Variants in GPR39 observed in about 807,000 individuals in gnomAD.
GPR39 encodes the protein zinc sensing receptor.
GPR39 carries 23 observed loss-of-function variants against 18.4 expected under a neutral mutation model. The observed-to-expected ratio is 1.25, with a 90% CI of 0.90 to 1.77. GPR39 has a LOEUF of 1.77. Among genes scored for constraint, GPR39 ranks in the 40% most tolerant of loss-of-function variants. GPR39 has a pLI of 0.00. For synonymous variants in GPR39, 280 were observed against 257.9 expected (o/e 1.09, Z -0.82); for missense variants, 647 against 602.4 (o/e 1.07, Z -0.78).
intron 1 of GPR39, among the ~76,000 whole-genome samples, chr2:132,494,740 G>C (rs1681605871): frequency 6.6e-6 from 1 of 151,624 alleles, no homozygotes; most frequent in African/African-American, 2.4e-5. Context: ...CTAACTTTGA[G>C]CTTTTTTTAT....
At chr2:132,549,946 G>T (rs774357282) in intron 1 of GPR39, among the ~76,000 whole-genome samples, 2 of 152,114 alleles carry the variant, frequency 1.3e-5, no homozygotes, top group Non-Finnish European at 2.9e-5. Flanking sequence ...TAAATAATCC[G>T]TTTTCCATTT....
chr2:132,449,500 G>T (rs1053434756), intron 1 of GPR39, among the ~76,000 whole-genome samples: 1 of 152,166 alleles, frequency 6.6e-6, no homozygotes, highest in Admixed American at 6.6e-5. Context: ...GCCTGCCTCA[G>T]CCTCCCAAAG....
intron 1 of GPR39, among the ~76,000 whole-genome samples, chr2:132,627,384 G>A (rs1305215106): frequency 2.0e-5 from 3 of 152,124 alleles, no homozygotes; most frequent in East Asian, 1.9e-4. Context: ...AGAAAACCAC[G>A]GAAACTCAGG....
At chr2:132,470,696 T>TG in intron 1 of GPR39, among the ~76,000 whole-genome samples, 1 of 103,446 alleles carries the variant, frequency 9.7e-6, no homozygotes, top group Non-Finnish European at 1.9e-5. Context: ...AAGCATTTGT[T>TG]GGGGGGCAGG....
At chr2:132,448,873 T>C (rs1414092172) in intron 1 of GPR39, among the ~76,000 whole-genome samples, 1 of 152,180 alleles carries the variant, frequency 6.6e-6, no homozygotes, top group Non-Finnish European at 1.5e-5. Context: ...TCCCCTTCTG[T>C]CCAGACACTG....
At chr2:132,636,030 A>G (rs1013347513) in intron 1 of GPR39, among the ~76,000 whole-genome samples, 14 of 152,172 alleles carry the variant, frequency 9.2e-5, no homozygotes, top group Middle Eastern at 6.3e-3. Context: ...TATGCCATTC[A>G]GTCTGTGGTA....
At chr2:132,631,496 T>G (rs1338187294) in intron 1 of GPR39, among the ~76,000 whole-genome samples, 1 of 152,158 alleles carries the variant, frequency 6.6e-6, no homozygotes, top group Non-Finnish European at 1.5e-5. Context: ...ATCTCAACCT[T>G]CCTGAGAGCT....
At chr2:132,590,980 G>A (rs563408024) in intron 1 of GPR39, among the ~76,000 whole-genome samples, 6 of 151,990 alleles carry the variant, frequency 3.9e-5, no homozygotes, top group South Asian at 2.1e-4. Context: ...GGCCGGGCGC[G>A]GTGGCTCACG....
intron 1 of GPR39, among the ~76,000 whole-genome samples, chr2:132,617,134 G>A (rs1428632319): frequency 1.3e-5 from 2 of 151,938 alleles, no homozygotes; most frequent in Non-Finnish European, 2.9e-5. Flanking sequence ...ATGTGTAGAT[G>A]TACTATAAGT....
chr2:132,588,138 T>A (rs1680764289), intron 1 of GPR39, among the ~76,000 whole-genome samples: 1 of 152,064 alleles, frequency 6.6e-6, no homozygotes, highest in Admixed American at 6.5e-5. Context: ...TGTTTGCGAT[T>A]GTGATGGAGA....
chr2:132,473,402 A>G (rs554295491), intron 1 of GPR39, among the ~76,000 whole-genome samples: 4 of 152,272 alleles, frequency 2.6e-5, no homozygotes, highest in East Asian at 3.9e-4. Context: ...TAATGGACCC[A>G]TGTGATGTTC....
At chr2:132,508,881 C>A (rs569518241) in intron 1 of GPR39, among the ~76,000 whole-genome samples, 1 of 152,248 alleles carries the variant, frequency 6.6e-6, no homozygotes, top group Admixed American at 6.5e-5. Flanking sequence ...CAGTCCATAC[C>A]TGTTGGACTA....
chr2:132,438,520 G>A (rs980061306), intron 1 of GPR39, among the ~76,000 whole-genome samples: 68 of 146,516 alleles, frequency 4.6e-4, no homozygotes, highest in African/African-American at 1.7e-3. Flanking sequence ...AGCAAATTAC[G>A]TATGGGCAAT....
chr2:132,443,519 C>T (rs552190854), intron 1 of GPR39, among the ~76,000 whole-genome samples: 6 of 152,256 alleles, frequency 3.9e-5, no homozygotes, highest in African/African-American at 9.6e-5. Flanking sequence ...TTTGCCCAAC[C>T]GTAGGCTAAT....
intron 1 of GPR39, among the ~76,000 whole-genome samples, chr2:132,458,890 G>A (rs1409042926): frequency 8.9e-6 from 1 of 112,190 alleles, no homozygotes; most frequent in African/African-American, 2.7e-5. Context: ...AACTCATGTG[G>A]GAAGACTTTT....
chr2:132,635,643 G>A (rs796530994), intron 1 of GPR39, among the ~76,000 whole-genome samples: 14 of 152,120 alleles, frequency 9.2e-5, no homozygotes, highest in African/African-American at 3.4e-4. Context: ...GATGGGGGAG[G>A]GGGCCTAGCA....
intron 1 of GPR39, among the ~76,000 whole-genome samples, chr2:132,535,293 A>G (rs1023990321): frequency 6.6e-6 from 1 of 152,186 alleles, no homozygotes; most frequent in Non-Finnish European, 1.5e-5. Flanking sequence ...GAGTTTTATC[A>G]AAGTCCTTTT....
At position 132,646,315 on chromosome 2, in the gene GPR39, G is replaced by C; in HGVS notation, c.*709G>C. 7.3e-7 allele frequency: 1 copy of C among 1,370,576 alleles called. No homozygotes were observed. Among genetic ancestry groups the C allele is most frequent in the Non-Finnish European group, 9.6e-7 (1 of 1,039,672 alleles). 84.9% of individuals were successfully genotyped at this position (1,370,576 alleles called of 1,614,324 possible). A position where few individuals can be genotyped will look rare whatever the true frequency, so the allele number is the denominator to read the frequency against. On this transcript the variant is annotated 3_prime_UTR_variant, in exon 2 of 2. Coordinates refer to ENST00000329321, the MANE Select transcript of GPR39 (RefSeq NM_001508.3). ...AGACCCAAAGGAGCTGAGTTAACGTGCACCGGCAAAAGAATAGCTGTCCCT... is the reference window on the plus strand; with the variant it reads ...AGACCCAAAGGAGCTGAGTTAACGTCCACCGGCAAAAGAATAGCTGTCCCT...
At chr2:132,434,771 C>T (rs184788600) in intron 1 of GPR39, among the ~76,000 whole-genome samples, 2 of 152,256 alleles carry the variant, frequency 1.3e-5, no homozygotes, top group African/African-American at 4.8e-5. Context: ...ATATGCATGA[C>T]TTCACAGGAT....
Sources: allele counts gnomAD v4.1 joint callset (sites outside exome capture counted in the v4.1 genomes callset), GRCh38; gene constraint gnomAD v4.1.1; transcripts MANE v1.5; gene names NCBI Gene and HGNC (gene_info 2026-07-23, HGNC 2026-07-21).